The following PRIM2 variants were observed in gnomAD, a reference collection of about 807,000 sequenced individuals.
The protein encoded by PRIM2 is DNA primase large subunit.
A neutral mutation model predicts 67.3 loss-of-function variants in PRIM2; 39 were observed. That is an observed-to-expected ratio of 0.58 (90% confidence interval 0.45 to 0.76). The LOEUF is 0.76. Among genes scored for constraint, PRIM2 ranks in the 30% least tolerant of loss-of-function variants. The pLI, the probability that PRIM2 is intolerant of heterozygous loss-of-function variation, is 0.00. For missense variants in PRIM2, 398 were observed against 598.7 expected (o/e 0.66, Z 3.50); for synonymous variants, 143 against 198.7 (o/e 0.72, Z 2.36).
intron 12 of PRIM2, among the ~76,000 whole-genome samples, chr6:57,621,965 T>G (rs1776864953): frequency 6.6e-6 from 1 of 152,176 alleles, no homozygotes; most frequent in African/African-American, 2.4e-5. Context: ...TTTCTTTCTT[T>G]TTTGAGATGG....
intron 7 of PRIM2, among the ~76,000 whole-genome samples, chr6:57,471,707 A>G (rs1333761040): frequency 6.6e-6 from 1 of 152,198 alleles, no homozygotes; most frequent in Non-Finnish European, 1.5e-5. Flanking sequence ...AATGATTTGC[A>G]TCTTTTTACT....
intron 7 of PRIM2, among the ~76,000 whole-genome samples, chr6:57,441,022 A>G (rs1772187770): frequency 6.6e-6 from 1 of 152,108 alleles, no homozygotes; most frequent in Non-Finnish European, 1.5e-5. Context: ...AAAGCTATTG[A>G]ACTATAGGTT....
the PRIM2 span, among the ~76,000 whole-genome samples, chr6:57,241,990 A>G: frequency 6.6e-6 from 1 of 152,152 alleles, no homozygotes; most frequent in South Asian, 2.1e-4. Context: ...TTAATTTTTT[A>G]AACTATGAAT....
intron 7 of PRIM2, among the ~76,000 whole-genome samples, chr6:57,445,564 G>A (rs1581911599): frequency 2.0e-5 from 3 of 152,082 alleles, no homozygotes; most frequent in African/African-American, 4.8e-5. Flanking sequence ...CCCTGGGCCT[G>A]TGCACACCCC....
In PRIM2 at chr6:57,326,002, A is replaced by G. The variant is rs1438443221; in HGVS notation, c.416A>G (p.Lys139Arg). ...AGATTTAGTATTTTACCCAAGGATAAAATTCAGGATTTCTTAAAGGATAGC... is the reference window on the plus strand; with the variant it reads ...AGATTTAGTATTTTACCCAAGGATAGAATTCAGGATTTCTTAAAGGATAGC... Reference protein sequence around the residue: ...RFRFSILPKDKIQDFLKDSQL... With the variant: ...RFRFSILPKDRIQDFLKDSQL... Residue 139 changes from lysine (K) to arginine (R), a missense_variant, in exon 5 of 14, where the codon AAA becomes AGA. Lys to Arg is a conservative substitution (Grantham distance 26). Around this residue, in one of 4 missense-constraint regions of PRIM2, gnomAD observed 229 missense variants for 383.6 expected, o/e 0.60. Transcript: ENST00000615550. 6.2e-7 allele frequency: 1 copy of G among 1,613,084 alleles called. No homozygotes were observed. The highest frequency in any genetic ancestry group is 8.5e-7 in the Non-Finnish European group (1 of 1,179,646).
intron 5 of PRIM2, among the ~76,000 whole-genome samples, chr6:57,364,073 G>GT (rs72377931): frequency 0.078 from 10,437 of 133,070 alleles, 686 homozygotes; most frequent in African/African-American, 0.18. Context: ...TAATTTATTT[G>GT]TTTTTTTTTT....
chr6:57,483,879 T>C (rs1462761705), intron 7 of PRIM2, among the ~76,000 whole-genome samples: 1 of 152,204 alleles, frequency 6.6e-6, no homozygotes, highest in Non-Finnish European at 1.5e-5. Context: ...TAACTTGCAA[T>C]GAAATGTAAG....
chr6:57,338,158 G>T (rs1211826382), intron 5 of PRIM2, among the ~76,000 whole-genome samples: 2 of 151,864 alleles, frequency 1.3e-5, no homozygotes, highest in African/African-American at 2.4e-5. Context: ...ACTAAACCAG[G>T]AAGAAGTTGA....
At chr6:57,458,724 C>T (rs555918225) in intron 7 of PRIM2, among the ~76,000 whole-genome samples, 14 of 152,120 alleles carry the variant, frequency 9.2e-5, no homozygotes, top group African/African-American at 1.7e-4. Context: ...AACAAATCTA[C>T]GATTATTTGA....
chr6:57,271,983 G>T, the PRIM2 span, among the ~76,000 whole-genome samples: 1 of 152,188 alleles, frequency 6.6e-6, no homozygotes, highest in Admixed American at 6.5e-5. Flanking sequence ...TTGCACTGTG[G>T]TCTGAGAGAC....
At chr6:57,366,726 A>G (rs542882732) in intron 5 of PRIM2, among the ~76,000 whole-genome samples, 1 of 152,272 alleles carries the variant, frequency 6.6e-6, no homozygotes, top group East Asian at 1.9e-4. Context: ...ATTCCTGGAC[A>G]AACTGGGATG....
intron 10 of PRIM2, among the ~76,000 whole-genome samples, chr6:57,578,968 G>A (rs1447061204): frequency 1.3e-5 from 2 of 151,982 alleles, no homozygotes; most frequent in African/African-American, 2.4e-5. Context: ...GAGCCACCGC[G>A]CCCGGCCCAC....
At chr6:57,429,075 C>T (rs1445252923) in intron 7 of PRIM2, among the ~76,000 whole-genome samples, 6 of 152,100 alleles carry the variant, frequency 3.9e-5, no homozygotes, top group African/African-American at 1.2e-4. Context: ...ATAATTTTGC[C>T]ATATTGAGAA....
At chr6:57,366,957 G>A (rs1769381918) in intron 5 of PRIM2, among the ~76,000 whole-genome samples, 2 of 151,980 alleles carry the variant, frequency 1.3e-5, no homozygotes, top group African/African-American at 4.8e-5. Flanking sequence ...TTGTTTTCTT[G>A]TAGAAGAGAT....
intron 5 of PRIM2, among the ~76,000 whole-genome samples, chr6:57,327,566 A>G (rs1767907090): frequency 1.3e-5 from 2 of 152,246 alleles, no homozygotes; most frequent in African/African-American, 4.8e-5. Context: ...TCTAAGTCAC[A>G]TCTACCTTTG....
chr6:57,222,230 G>C, the PRIM2 span: 2 of 152,484 alleles, frequency 1.3e-5, no homozygotes, highest in Admixed American at 1.3e-4. Context: ...GAGTGGCTCA[G>C]CAGCAGCTCC....
chr6:57,603,937 T>A (rs1776517270), intron 11 of PRIM2, among the ~76,000 whole-genome samples: 1 of 152,214 alleles, frequency 6.6e-6, no homozygotes, highest in South Asian at 2.1e-4. Flanking sequence ...TTATTTATTT[T>A]TTGGTGGCTA....
chr6:57,624,729 A>G (rs1776917200), intron 12 of PRIM2, among the ~76,000 whole-genome samples: 1 of 152,234 alleles, frequency 6.6e-6, no homozygotes, highest in Non-Finnish European at 1.5e-5. Flanking sequence ...GAATATAATG[A>G]TGACTAAAAC....
intron 5 of PRIM2, among the ~76,000 whole-genome samples, chr6:57,337,026 A>C (rs1487038057): frequency 6.6e-6 from 1 of 152,178 alleles, no homozygotes; most frequent in African/African-American, 2.4e-5. Context: ...TCTACCAAGC[A>C]AATGGAAAAC....
Sources: gnomAD v4.1 joint callset for allele counts (sites outside exome capture counted in the v4.1 genomes callset) on GRCh38, gnomAD v4.1.1 for gene constraint, gnomAD v4.1.1 regional missense constraint, MANE v1.5 for transcripts, NCBI Gene and HGNC (gene_info 2026-07-23, HGNC 2026-07-21) for gene names.